Variants in SDK1 observed in about 807,000 individuals in gnomAD.
The protein encoded by SDK1 is protein sidekick-1.
A neutral mutation model predicts 245.5 loss-of-function variants in SDK1; 157 were observed. The observed-to-expected ratio is 0.64, with a 90% CI of 0.56 to 0.73. The LOEUF (loss-of-function observed/expected upper bound fraction) is 0.73. Ranked by LOEUF, SDK1 falls within the 30% of genes least tolerant of loss-of-function variation. The probability of loss-of-function intolerance (pLI) is 0.00; values close to 1 mark genes in which losing one functional copy is unlikely to be tolerated. For missense variants in SDK1, 3,583 were observed against 3,002.3 expected (o/e 1.19, Z -4.52); for synonymous variants, 1,647 against 1,278.5 (o/e 1.29, Z -6.15).
At chr7:3,862,825 A>G (rs1254084303) in intron 5 of SDK1, among the ~76,000 whole-genome samples, 4 of 152,130 alleles carry the variant, frequency 2.6e-5, no homozygotes, top group African/African-American at 4.8e-5. Context: ...AACATTTTTC[A>G]TGGTGGGTAG....
At chr7:4,095,629 G>A (rs1049796680) in intron 22 of SDK1, among the ~76,000 whole-genome samples, 2 of 152,034 alleles carry the variant, frequency 1.3e-5, no homozygotes, top group African/African-American at 4.8e-5. Flanking sequence ...CTGGAGTGCA[G>A]TGGCGCGATC....
At chr7:3,554,620 C>G (rs945786013) in intron 1 of SDK1, among the ~76,000 whole-genome samples, 2 of 152,170 alleles carry the variant, frequency 1.3e-5, no homozygotes, top group African/African-American at 4.8e-5. Context: ...ATCACAGTAC[C>G]TGGTTTTAGC....
intron 1 of SDK1, among the ~76,000 whole-genome samples, chr7:3,333,910 A>T (rs2128551967): frequency 1.3e-5 from 2 of 152,342 alleles, no homozygotes; most frequent in Middle Eastern, 6.8e-3. Flanking sequence ...CCAGCATCCT[A>T]GCCCAGGCAT....
At chr7:3,597,038 A>AGAT (rs1781089616) in intron 1 of SDK1, among the ~76,000 whole-genome samples, 1 of 152,136 alleles carries the variant, frequency 6.6e-6, no homozygotes, top group Non-Finnish European at 1.5e-5. Flanking sequence ...TGGGAGGCCG[A>AGAT]GGCAGGCGGA....
chr7:3,396,657 A>C (rs1425114327), intron 1 of SDK1, among the ~76,000 whole-genome samples: 1 of 151,440 alleles, frequency 6.6e-6, no homozygotes, highest in African/African-American at 2.4e-5. Flanking sequence ...ATTTTGTCTG[A>C]TATTAATATA....
At chr7:4,221,115 A>T in intron 39 of SDK1, 124 bp from the exon 40 acceptor site, 1 of 1,189,042 alleles carries the variant, frequency 8.4e-7, no homozygotes, top group Non-Finnish European at 1.2e-6. Context: ...GCGTGAGGTT[A>T]AGTAACCTGC....
intron 4 of SDK1, among the ~76,000 whole-genome samples, chr7:3,646,995 C>T (rs531838760): frequency 6.6e-6 from 1 of 152,250 alleles, no homozygotes; most frequent in African/African-American, 2.4e-5. Flanking sequence ...CAGAGTTTCA[C>T]AAGATGGAAA....
chr7:4,262,642 G>C (rs942371835), intron 44 of SDK1, among the ~76,000 whole-genome samples: 4 of 146,914 alleles, frequency 2.7e-5, no homozygotes, highest in African/African-American at 1.0e-4. Context: ...GGAGGTCTCT[G>C]TGGATGTGAT....
chr7:3,715,439 C>T (rs1003971175), intron 4 of SDK1, among the ~76,000 whole-genome samples: 4 of 152,264 alleles, frequency 2.6e-5, no homozygotes, highest in Admixed American at 1.3e-4. Context: ...ACTGATAGCC[C>T]AAAGATATCC....
rs528623043 is a variant in SDK1, at chr7:4,060,101, T to C, written c.2912-7737T>C. Among the ~76,000 whole-genome samples, 6 of 152,192 alleles carry C rather than the reference T, an allele frequency of 3.9e-5. 1 individual carries two copies. Among genetic ancestry groups the C allele is most frequent in the African/African-American group, 1.4e-4 (6 of 41,532 alleles). ...TTTCACCATGTTAGCCAGGATGGTC[T>C]CGATCTCCTGACCTCGTGATCCGCC... On this transcript the variant is annotated intron_variant, in intron 19 of 44. Coordinates refer to ENST00000404826, the MANE Select transcript of SDK1 (RefSeq NM_152744.4).
Position 3,805,414 on chromosome 7 carries a change from C to G in SDK1, c.714-16036C>G, listed in dbSNP as rs551229664. Among the ~76,000 whole-genome samples the G allele has an allele frequency of 2.9e-3, 449 of 152,286 alleles. 3 individuals are homozygous for G. Among genetic ancestry groups the G allele is most frequent in the African/African-American group, 0.011 (438 of 41,544 alleles). ...CTTTCTTGGGTAGCGGGAGCCTCTTCAGGTTGATTCTTGAGTTCTTGTGAC... is the reference window on the plus strand; with the variant it reads ...CTTTCTTGGGTAGCGGGAGCCTCTTGAGGTTGATTCTTGAGTTCTTGTGAC... On this transcript the variant is annotated intron_variant, in intron 4 of 44. Transcript: ENST00000404826.
intron 14 of SDK1, among the ~76,000 whole-genome samples, chr7:3,991,719 G>A (rs563017226): frequency 1.2e-4 from 19 of 152,268 alleles, no homozygotes; most frequent in Admixed American, 1.2e-3. Context: ...TCTAGAGTGG[G>A]TACCATGGTT....
At chr7:4,073,181 G>C (rs779163943) in intron 20 of SDK1, among the ~76,000 whole-genome samples, 7 of 152,122 alleles carry the variant, frequency 4.6e-5, no homozygotes, top group African/African-American at 1.2e-4. Flanking sequence ...TCTCTCCTCT[G>C]GGAGCTGGAA....
intron 35 of SDK1, among the ~76,000 whole-genome samples, chr7:4,196,376 C>A (rs925476749): frequency 2.6e-5 from 4 of 152,240 alleles, no homozygotes; most frequent in African/African-American, 9.6e-5. Flanking sequence ...CCATCTCTCT[C>A]ATGTACAGCT....
chr7:4,051,884 C>T (rs530954107), intron 19 of SDK1, 54 bp downstream of exon 19: 136 of 1,492,510 alleles, frequency 9.1e-5, no homozygotes, highest in Non-Finnish European at 9.6e-5. Context: ...AGGTGTATAC[C>T]GCTGCAACTT....
In SDK1 at chr7:3,431,437, T is replaced by G. The variant is rs112682597; in HGVS notation, c.298+129553T>G. Among the ~76,000 whole-genome samples, 1,345 of 151,234 alleles carry G rather than the reference T, an allele frequency of 8.9e-3. 26 individuals are homozygous for G. Among genetic ancestry groups the G allele is most frequent in the African/African-American group, 0.031 (1,268 of 40,994 alleles). Reference sequence around the variant, plus strand: ...CTAATAGCCTGCTGATTTTTGTAGATGATTACTCTGAAAACATATGCATTG... The same window carrying G: ...CTAATAGCCTGCTGATTTTTGTAGAGGATTACTCTGAAAACATATGCATTG... On this transcript the variant is annotated intron_variant, in intron 1 of 44. Transcript: ENST00000404826.
intron 5 of SDK1, among the ~76,000 whole-genome samples, chr7:3,827,043 AG>A (rs1779792800): frequency 1.3e-5 from 2 of 152,258 alleles, no homozygotes; most frequent in Non-Finnish European, 1.5e-5. Flanking sequence ...TTCCATCCCA[AG>A]GTGTCCCCTT....
chr7:3,715,088 T>C (rs1785160196), intron 4 of SDK1, among the ~76,000 whole-genome samples: 1 of 152,186 alleles, frequency 6.6e-6, no homozygotes, highest in Non-Finnish European at 1.5e-5. Context: ...ATCTGTTAAA[T>C]GCTAAGGTTG....
intron 25 of SDK1, among the ~76,000 whole-genome samples, chr7:4,124,383 G>A (rs994837266): frequency 5.9e-5 from 9 of 152,152 alleles, no homozygotes; most frequent in African/African-American, 1.2e-4. Context: ...TGGTGGTTCC[G>A]TGGCTCGGAC....
Sources: gnomAD v4.1 joint callset for allele counts (sites outside exome capture counted in the v4.1 genomes callset) on GRCh38, gnomAD v4.1.1 for gene constraint, MANE v1.5 for transcripts, NCBI Gene and HGNC (gene_info 2026-07-23, HGNC 2026-07-21) for gene names.